Variants in CPAMD8 observed in about 807,000 individuals in gnomAD.
The protein encoded by CPAMD8 is C3 and PZP like alpha-2-macroglobulin domain containing 8, also known as C3 and PZP-like alpha-2-macroglobulin domain-containing protein 8.
CPAMD8 carries 146 observed loss-of-function variants against 224.7 expected under a neutral mutation model. The observed-to-expected ratio is 0.65, with a 90% CI of 0.57 to 0.75. The LOEUF is 0.75. Ranked by LOEUF, CPAMD8 falls within the 30% of genes least tolerant of loss-of-function variation. The probability of loss-of-function intolerance (pLI) is 0.00; values close to 1 mark genes in which losing one functional copy is unlikely to be tolerated. For missense variants in CPAMD8, 2,301 were observed against 2,537.5 expected (o/e 0.91, Z 2.00); for synonymous variants, 966 against 1,044.6 (o/e 0.92, Z 1.45).
intron 18 of CPAMD8, among the ~76,000 whole-genome samples, chr19:16,962,715 A>G (rs2122532039): frequency 6.6e-6 from 1 of 152,346 alleles, no homozygotes; most frequent in Non-Finnish European, 1.5e-5. Context: ...TTCCTCAGGA[A>G]GAGCAACCCC....
chr19:16,980,668 A>C lies in CPAMD8; in HGVS notation c.1414T>G (p.Phe472Val), dbSNP rs2055479969. The change falls in exon 14 of 42, where the codon TTT (phenylalanine) becomes GTT (valine). Residue 472 changes from phenylalanine (F) to valine (V), a missense_variant. Phe to Val is a conservative substitution (Grantham distance 50, BLOSUM62 -1). Transcript: ENST00000443236. ...CAGGGACATGTGGACTTCACAGAAA[A>C]ATAGGCTTCTTCCCCAACCTATGGA... ...HPLQVGEEAY[F>V]SVKSTCPCNF... The C allele has an allele frequency of 6.5e-7, 1 of 1,549,680 alleles. No homozygotes were observed. Among genetic ancestry groups the C allele is most frequent in the South Asian group, 1.2e-5 (1 of 81,634 alleles).
At chr19:16,972,136 A>G (rs2055084303) in intron 17 of CPAMD8, among the ~76,000 whole-genome samples, 2 of 152,154 alleles carry the variant, frequency 1.3e-5, no homozygotes, top group African/African-American at 4.8e-5. Flanking sequence ...CCAACCAAGG[A>G]CCAACGGTGG....
At position 17,004,268 on chromosome 19, in the gene CPAMD8, C is replaced by T. The variant is rs1568589375; in HGVS notation, c.673+5G>A. On this transcript the variant is annotated splice_donor_5th_base_variant and intron_variant, in intron 8 of 41. Transcript: ENST00000443236. ...ATCCCAAGACCCTGAGATTCTCCAA[C>T]TTACCATACTTCTGAACTTCAAAAG... The T allele has an allele frequency of 3.8e-6, 6 of 1,587,478 alleles. No individual in the cohort carries two copies. Among genetic ancestry groups the T allele is most frequent in the Non-Finnish European group, 5.2e-6 (6 of 1,156,244 alleles).
chr19:16,895,883 A>C, intron 41 of CPAMD8: 1 of 547,372 alleles, frequency 1.8e-6, no homozygotes, highest in Non-Finnish European at 3.5e-6. Context: ...CTTGACCCGT[A>C]TGCGCGCGCG....
Position 16,989,653 on chromosome 19 carries a change from T to C in CPAMD8, c.1385A>G (p.His462Arg). The C allele has an allele frequency of 6.2e-7, 1 of 1,613,438 alleles. No homozygotes were observed. Among genetic ancestry groups the C allele is most frequent in the Non-Finnish European group, 8.5e-7 (1 of 1,179,726 alleles). Residue 462 changes from histidine (H) to arginine (R), a missense_variant, in exon 13 of 42, where the codon CAC becomes CGC. Physicochemically the swap from His to Arg is conservative, Grantham distance 29. Transcript: ENST00000443236. ...TCCTGAAAATCTTACCTGCAGTGGG[T>C]GGGAGGGTGGCTGCAGCTGCAGGTA... ...QCYLQLQPPS[H>R]PLQVGEEAYF...
intron 30 of CPAMD8, among the ~76,000 whole-genome samples, chr19:16,906,354 C>CTT (rs1301499865): frequency 3.1e-5 from 1 of 32,046 alleles, no homozygotes; most frequent in African/African-American, 1.2e-4. Context: ...TTCTTTCTTT[C>CTT]TTTCTTTCTT....
At chr19:16,960,070 G>A (rs529809850) in intron 18 of CPAMD8, among the ~76,000 whole-genome samples, 7 of 152,126 alleles carry the variant, frequency 4.6e-5, no homozygotes, top group African/African-American at 1.2e-4. Context: ...GTTTTACCAC[G>A]TTCATCTTCA....
chr19:16,918,430 G>A (rs79597715), intron 27 of CPAMD8, among the ~76,000 whole-genome samples: 2,689 of 146,470 alleles, frequency 0.018, 86 homozygotes, highest in African/African-American at 0.063. Context: ...GAACTTTGTG[G>A]AATTTTTAAA....
rs774603626 is a variant in CPAMD8, at chr19:16,904,316, G to T, written c.4161C>A (p.Tyr1387Ter). The T allele has an allele frequency of 1.4e-5, 22 of 1,613,838 alleles. No homozygotes were observed. Among genetic ancestry groups the T allele is most frequent in the Non-Finnish European group, 1.8e-5 (21 of 1,180,024 alleles). The change falls in exon 32 of 42, where the codon TAC (tyrosine) becomes TAA (stop). Residue 1387 changes from tyrosine (Y) to a stop codon, truncating the protein, a stop_gained. Transcript: ENST00000443236. LOFTEE classifies it high-confidence loss of function. ...CGGCAGCCACGTCACCCAGCAGAGT[G>T]TAGGTCAGAAGGGCGTAGGCTGTCA... is the stretch of plus-strand genomic sequence containing the variant. ...VEMTAYALLT[Y>*]TLLGDVAAAL...
At chr19:16,927,205 C>G (rs2053393833) in intron 25 of CPAMD8, among the ~76,000 whole-genome samples, 1 of 152,060 alleles carries the variant, frequency 6.6e-6, no homozygotes, top group Non-Finnish European at 1.5e-5. Context: ...GTGGGAAGGA[C>G]TCGGTGGGAG....
At chr19:16,900,585 A>T (rs1023273805) in intron 36 of CPAMD8, among the ~76,000 whole-genome samples, 1 of 151,894 alleles carries the variant, frequency 6.6e-6, no homozygotes, top group Non-Finnish European at 1.5e-5. Flanking sequence ...ACAAGAGCAA[A>T]ACTCCATCTC....
intron 23 of CPAMD8, among the ~76,000 whole-genome samples, chr19:16,935,227 G>A (rs915747194): frequency 2.0e-5 from 3 of 151,998 alleles, no homozygotes; most frequent in African/African-American, 7.3e-5. Flanking sequence ...CAGGAATATT[G>A]ACATTGATAA....
intron 7 of CPAMD8, among the ~76,000 whole-genome samples, chr19:17,007,194 C>T (rs1330956260): frequency 6.6e-6 from 1 of 152,012 alleles, no homozygotes; most frequent in East Asian, 1.9e-4. Flanking sequence ...ATTAGCCAGG[C>T]CTGGTGGCAC....
intron 13 of CPAMD8, among the ~76,000 whole-genome samples, chr19:16,987,683 C>T (rs2055794113): frequency 6.6e-6 from 1 of 152,086 alleles, no homozygotes. Flanking sequence ...CAGGGTCTCG[C>T]TCTGTCACCC....
intron 20 of CPAMD8, 59 bp from the exon 21 acceptor site, chr19:16,947,286 G>C (rs1467420276): frequency 1.8e-5 from 28 of 1,564,854 alleles, no homozygotes; most frequent in Non-Finnish European, 1.9e-5. Flanking sequence ...CCAGTGCCTG[G>C]AGGCCCAACA....
At chr19:16,927,153 A>G in intron 25 of CPAMD8, among the ~76,000 whole-genome samples, 1 of 151,404 alleles carries the variant, frequency 6.6e-6, no homozygotes, top group Non-Finnish European at 1.5e-5. Flanking sequence ...GTCCCCAACC[A>G]AATCTTGTCT....
At position 16,951,963 on chromosome 19, in the gene CPAMD8, G is replaced by A. The variant is rs548994790; in HGVS notation, c.2508+6C>T. 9.2e-6 allele frequency: 14 copies of A among 1,529,366 alleles called. 1 individual carries two copies. Among genetic ancestry groups the A allele is most frequent in the Non-Finnish European group, 4.4e-6 (5 of 1,123,606 alleles). The allele number at this position is 1,529,366 out of a possible 1,614,324, so 94.7% of individuals were successfully genotyped here. On this transcript the variant is annotated splice_donor_region_variant and intron_variant, in intron 20 of 41. Coordinates refer to ENST00000443236, the MANE Select transcript of CPAMD8 (RefSeq NM_015692.5). ...AGGAAGGCTATGTATTTGGGGGGCT[G>A]AGTACCTCAGCGCAGGTGCCCATGT... is the stretch of plus-strand genomic sequence containing the variant.
chr19:16,899,727 G>A lies in CPAMD8; in HGVS notation c.4774-178C>T, dbSNP rs908287259. Among the ~76,000 whole-genome samples the A allele has an allele frequency of 3.3e-5, 5 of 152,026 alleles. No homozygotes were observed. The highest frequency in any genetic ancestry group is 1.9e-4 in the East Asian group (1 of 5,172). ...AGCCTCTCAGCACCCAGGAGAGGAC[G>A]CTCAAGGATGGCTATCCCCGCTGGG... On this transcript the variant is annotated intron_variant, in intron 36 of 41. Transcript: ENST00000443236. The surrounding 1 kb of genome is among the most constrained non-coding windows in gnomAD (Gnocchi z 5.4).
At chr19:16,988,846 C>T (rs2055837812) in intron 13 of CPAMD8, among the ~76,000 whole-genome samples, 1 of 152,106 alleles carries the variant, frequency 6.6e-6, no homozygotes, top group South Asian at 2.1e-4. Context: ...AAAACTTCAT[C>T]TGTATTTACA....
Sources: allele counts gnomAD v4.1 joint callset (sites outside exome capture counted in the v4.1 genomes callset), GRCh38; gene constraint gnomAD v4.1.1; non-coding constraint Gnocchi (gnomAD v3.1); transcripts MANE v1.5; gene names NCBI Gene and HGNC (gene_info 2026-07-23, HGNC 2026-07-21).